Variants in SLC5A7 observed in about 807,000 individuals in gnomAD.
The protein encoded by SLC5A7 is solute carrier family 5 member 7, also known as high affinity choline transporter 1.
Under a neutral mutation model 55.4 loss-of-function variants are expected in SLC5A7, and 19 were observed. That is an observed-to-expected ratio of 0.34 (90% CI 0.24 to 0.50). SLC5A7 has a LOEUF of 0.50. SLC5A7 is among the 20% of genes least tolerant of loss of function. The probability of loss-of-function intolerance (pLI) is 0.98; values close to 1 mark genes in which losing one functional copy is unlikely to be tolerated. For synonymous variants in SLC5A7, 265 were observed against 263.7 expected (o/e 1.00, Z -0.05); for missense variants, 506 against 705.3 (o/e 0.72, Z 3.20).
Position 107,988,209 on chromosome 2 carries a change from T to A in SLC5A7, c.54T>A (p.Ile18=). The A allele has an allele frequency of 1.9e-6, 3 of 1,614,166 alleles. No individual in the cohort carries two copies. The highest frequency in any genetic ancestry group is 1.7e-6 in the Non-Finnish European group (2 of 1,179,988). ...CTATCATCGTGTTCTACCTTCTAAT[T>A]TTGCTGGTTGGAATATGGGCTGCCT... ...LIAIIVFYLL[I]LLVGIWAAWR... Residue 18 remains isoleucine, a synonymous_variant, in exon 2 of 9, where the codon ATT becomes ATA. Coordinates refer to ENST00000264047, the MANE Select transcript of SLC5A7 (RefSeq NM_021815.5).
intron 5 of SLC5A7, among the ~76,000 whole-genome samples, chr2:108,001,148 C>T (rs1287005464): frequency 6.6e-6 from 1 of 151,790 alleles, no homozygotes; most frequent in Non-Finnish European, 1.5e-5. Flanking sequence ...CATCCCTCCC[C>T]TCCTCCCCCC....
At chr2:108,001,236 C>T (rs969384464) in intron 5 of SLC5A7, among the ~76,000 whole-genome samples, 2 of 150,652 alleles carry the variant, frequency 1.3e-5, no homozygotes, top group African/African-American at 4.9e-5. Context: ...TGTAGATAGA[C>T]AGTCAGAGAT....
At chr2:108,006,846 C>A (rs562476904) in intron 7 of SLC5A7, among the ~76,000 whole-genome samples, 1 of 152,246 alleles carries the variant, frequency 6.6e-6, no homozygotes, top group African/African-American at 2.4e-5. Flanking sequence ...CCCTAAAGAT[C>A]ACTTTGAACT....
intron 2 of SLC5A7, 91 bp downstream of exon 2, chr2:107,988,424 G>A: frequency 6.0e-6 from 7 of 1,171,848 alleles, no homozygotes; most frequent in South Asian, 1.9e-5. Context: ...CAAAGCAAAT[G>A]TTGGTCTTTG....
rs775697726 is a variant in SLC5A7, at chr2:108,010,520, G to A, written c.1402G>A (p.Asp468Asn). Residue 468 changes from aspartate to asparagine, a missense_variant, in exon 9 of 9, where the codon GAT (aspartate) becomes AAT (asparagine). Asp to Asn is a conservative substitution (Grantham distance 23). Transcript: ENST00000264047. ...GATCTTCTACCCTGGCTATTACCCT[G>A]ATGATAATGGTATATATAATCAGAA... ...PLIFYPGYYPDDNGIYNQKFP... is the reference protein window; with the variant it reads ...PLIFYPGYYPNDNGIYNQKFP... 6.2e-7 allele frequency: 1 copy of A among 1,613,912 alleles called. No individual in the cohort carries two copies. Among genetic ancestry groups the A allele is most frequent in the Non-Finnish European group, 8.5e-7 (1 of 1,179,920 alleles).
chr2:108,012,107 G>T lies in SLC5A7; in HGVS notation c.*1246G>T, dbSNP rs1478422111. On this transcript the variant is annotated 3_prime_UTR_variant, in exon 9 of 9. Transcript: ENST00000264047. ...TTTGATGTCTAGATAACATTCATGA[G>T]ATTGGTCATTAAATACTATTTTGCT... The T allele has an allele frequency of 2.6e-5, 4 of 152,520 alleles. No homozygotes were observed. The highest frequency in any genetic ancestry group is 9.7e-5 in the African/African-American group (4 of 41,414). The allele number at this position is 152,520 out of a possible 1,614,324, so 9.4% of individuals were successfully genotyped here. A position where few individuals can be genotyped will look rare whatever the true frequency, so the allele number is the denominator to read the frequency against.
intron 2 of SLC5A7, among the ~76,000 whole-genome samples, chr2:107,989,017 C>G (rs549681214): frequency 6.6e-6 from 1 of 152,342 alleles, no homozygotes; most frequent in African/African-American, 2.4e-5. Context: ...ATCTCTCATT[C>G]AAACCTTCTT....
chr2:108,000,428 A>AAAT (rs1372447749), intron 5 of SLC5A7, among the ~76,000 whole-genome samples: 2 of 151,954 alleles, frequency 1.3e-5, no homozygotes, highest in African/African-American at 4.8e-5. Flanking sequence ...TATATATTTC[A>AAAT]AATATAATTT....
rs1255243581 is a variant in SLC5A7, at chr2:108,013,607, A to C, written c.*2746A>C. 1 of 152,174 alleles carries C rather than the reference A, an allele frequency of 6.6e-6. No individual in the cohort carries two copies. Among genetic ancestry groups the C allele is most frequent in the African/African-American group, 2.4e-5 (1 of 41,450 alleles). The allele number at this position is 152,174 out of a possible 1,614,324, so 9.4% of individuals were successfully genotyped here. A position where few individuals can be genotyped will look rare whatever the true frequency, so the allele number is the denominator to read the frequency against. On this transcript the variant is annotated 3_prime_UTR_variant, in exon 9 of 9. Coordinates refer to ENST00000264047, the MANE Select transcript of SLC5A7 (RefSeq NM_021815.5). ...CTTCAATCAGTAGACCTGATTTTCA[A>C]AATCTGCCCTCAGATGAAAATAAAA...
chr2:107,998,906 C>T (rs546901781), intron 5 of SLC5A7, among the ~76,000 whole-genome samples: 4 of 152,232 alleles, frequency 2.6e-5, no homozygotes, highest in African/African-American at 7.2e-5. Context: ...TTATATTTTA[C>T]TTTTGACACT....
At chr2:108,003,289 G>A (rs1027157861) in intron 6 of SLC5A7, among the ~76,000 whole-genome samples, 1 of 152,134 alleles carries the variant, frequency 6.6e-6, no homozygotes, top group African/African-American at 2.4e-5. Context: ...TCACATCATT[G>A]TCTGAGTTAG....
At position 108,011,156 on chromosome 2, in the gene SLC5A7, A is replaced by G; in HGVS notation, c.*295A>G. On this transcript the variant is annotated 3_prime_UTR_variant, in exon 9 of 9. Coordinates refer to ENST00000264047, the MANE Select transcript of SLC5A7 (RefSeq NM_021815.5). ...GAACAAAGGGCCAAATAGAGTTTTT[A>G]TATTTGTTATGATAAAAGGAAGTAG... 2 of 233,740 alleles carry G rather than the reference A, an allele frequency of 8.6e-6. No homozygotes were observed. Among genetic ancestry groups the G allele is most frequent in the East Asian group, 1.7e-4 (2 of 11,730 alleles). 14.5% of individuals were successfully genotyped at this position (233,740 alleles called of 1,614,324 possible). A position where few individuals can be genotyped will look rare whatever the true frequency, so the allele number is the denominator to read the frequency against.
intron 7 of SLC5A7, among the ~76,000 whole-genome samples, chr2:108,008,027 T>G (rs1213916489): frequency 6.6e-6 from 1 of 152,200 alleles, no homozygotes; most frequent in African/African-American, 2.4e-5. Flanking sequence ...ACCAAGTTTA[T>G]GTACAGAGAG....
chr2:108,008,317 C>T, intron 7 of SLC5A7, 148 bp from the exon 8 acceptor site: 2 of 618,704 alleles, frequency 3.2e-6, no homozygotes, highest in South Asian at 2.1e-5. Context: ...AAGACATTTC[C>T]ACTTGACCAG....
chr2:107,995,470 A>AGAGAGAGTGTGT (rs1405177003), intron 4 of SLC5A7, among the ~76,000 whole-genome samples: 1 of 137,166 alleles, frequency 7.3e-6, no homozygotes, highest in African/African-American at 2.8e-5. Flanking sequence ...AGAGAGAGAG[A>AGAGAGAGTGTGT]GTGTGTGTGT....
chr2:108,002,415 C>G (rs1677948947), intron 6 of SLC5A7, among the ~76,000 whole-genome samples: 1 of 152,166 alleles, frequency 6.6e-6, no homozygotes, highest in Non-Finnish European at 1.5e-5. Flanking sequence ...AAATAAGTCT[C>G]TCATTCACTC....
Position 108,013,596 on chromosome 2 carries a change from C to T in SLC5A7, c.*2735C>T, listed in dbSNP as rs1191067328. On this transcript the variant is annotated 3_prime_UTR_variant, in exon 9 of 9. Transcript: ENST00000264047. The stretch of plus-strand genomic sequence containing the variant: ...TGTTCTTCCAGCTTCAATCAGTAGA[C>T]CTGATTTTCAAAATCTGCCCTCAGA... 2.0e-5 allele frequency: 3 copies of T among 152,048 alleles called. No homozygotes were observed. The highest frequency in any genetic ancestry group is 7.2e-5 in the African/African-American group (3 of 41,416). 9.4% of individuals were successfully genotyped at this position (152,048 alleles called of 1,614,324 possible).
At position 108,011,029 on chromosome 2, in the gene SLC5A7, G is replaced by C; in HGVS notation, c.*168G>C. The C allele has an allele frequency of 3.9e-4, 226 of 576,558 alleles. No homozygotes were observed. Among genetic ancestry groups the C allele is most frequent in the Non-Finnish European group, 5.2e-4 (194 of 374,112 alleles). 35.7% of individuals were successfully genotyped at this position (576,558 alleles called of 1,614,324 possible). On this transcript the variant is annotated 3_prime_UTR_variant, in exon 9 of 9. Transcript: ENST00000264047. The stretch of plus-strand genomic sequence containing the variant: ...CAAATACAAGCCAAGCTAGAAGGAA[G>C]CACCTATGAAAGCAACAACTTTGTT...
Position 108,010,856 on chromosome 2 carries a change from C to T in SLC5A7, c.1738C>T (p.Gln580Ter). The change falls in exon 9 of 9, where the codon CAG becomes TAG. Residue 580 changes from glutamine (Q) to a stop codon, truncating the protein, a stop_gained. Coordinates refer to ENST00000264047, the MANE Select transcript of SLC5A7 (RefSeq NM_021815.5). LOFTEE classifies it high-confidence loss of function. ...AGGGTCTGGGACTGAAGATAATTTA[C>T]AGTGACCCCATCTAAATAAAATACT... ...PEGSGTEDNL[Q>*] 6.4e-7 allele frequency: 1 copy of T among 1,569,994 alleles called. No individual in the cohort carries two copies. The highest frequency in any genetic ancestry group is 8.6e-7 in the Non-Finnish European group (1 of 1,165,904).
Sources: gnomAD v4.1 joint callset for allele counts (sites outside exome capture counted in the v4.1 genomes callset) on GRCh38, gnomAD v4.1.1 for gene constraint, MANE v1.5 for transcripts, NCBI Gene and HGNC (gene_info 2026-07-23, HGNC 2026-07-21) for gene names.